CASK: variants seen among roughly 807,000 people sequenced by gnomAD.
CASK encodes the protein peripheral plasma membrane protein CASK.
Under a neutral mutation model 82.9 loss-of-function variants are expected in CASK, and 4 were observed. That is an observed-to-expected ratio of 0.05 (90% confidence interval 0.02 to 0.11). The LOEUF (loss-of-function observed/expected upper bound fraction) is 0.11. CASK is among the 10% of genes least tolerant of loss of function. The probability of loss-of-function intolerance (pLI) is 1.00; values close to 1 mark genes in which losing one functional copy is unlikely to be tolerated. For synonymous variants in CASK, 259 were observed against 253.5 expected (o/e 1.02, Z -0.20); for missense variants, 358 against 720.9 (o/e 0.50, Z 5.76).
At chrX:41,781,683 T>C (rs1042896831) in intron 3 of CASK, among the ~76,000 whole-genome samples, 2 of 111,640 alleles carry the variant, frequency 1.8e-5, no homozygotes, top group African/African-American at 3.3e-5. Flanking sequence ...ATCTCTCACC[T>C]AGCCAGTAGG....
At chrX:41,572,893 T>C (rs2065433353) in intron 15 of CASK, among the ~76,000 whole-genome samples, 2 of 110,697 alleles carry the variant, frequency 1.8e-5, no homozygotes, top group Non-Finnish European at 3.8e-5. Context: ...AGTTTTGGTA[T>C]GTCTGAAGAC....
chrX:41,875,294 C>T (rs1325747002), intron 1 of CASK, among the ~76,000 whole-genome samples: 1 of 112,216 alleles, frequency 8.9e-6, no homozygotes, highest in Non-Finnish European at 1.9e-5. Flanking sequence ...TTCTTTACCA[C>T]TTAACTAAAC....
At chrX:41,744,206 G>A (rs977299912) in intron 4 of CASK, among the ~76,000 whole-genome samples, 4 of 110,828 alleles carry the variant, frequency 3.6e-5, no homozygotes, top group Non-Finnish European at 7.6e-5. Flanking sequence ...GAGGGATGCT[G>A]TATTCCATGT....
intron 2 of CASK, among the ~76,000 whole-genome samples, chrX:41,802,498 T>G (rs1040289044): frequency 8.9e-6 from 1 of 112,100 alleles, no homozygotes; most frequent in African/African-American, 3.2e-5. Context: ...ATCTAAGAAA[T>G]ATTTTAAAGA....
intron 2 of CASK, among the ~76,000 whole-genome samples, chrX:41,810,258 G>A (rs747829787): frequency 3.6e-5 from 4 of 111,509 alleles, no homozygotes; most frequent in East Asian, 5.7e-4. Context: ...GATACTCCTC[G>A]CGAAGAGCAA....
chrX:41,672,313 G>A (rs1569385317), intron 5 of CASK, among the ~76,000 whole-genome samples: 1 of 110,779 alleles, frequency 9.0e-6, no homozygotes, highest in Non-Finnish European at 1.9e-5. Context: ...TTTGTAGGAT[G>A]TTGTCCTCTG....
chrX:41,812,358 C>T (rs1222512423), intron 2 of CASK, among the ~76,000 whole-genome samples: 11 of 111,401 alleles, frequency 9.9e-5, no homozygotes, highest in Non-Finnish European at 1.9e-4. Flanking sequence ...GCTGGCAAAC[C>T]GAATCCAGCA....
intron 6 of CASK, among the ~76,000 whole-genome samples, chrX:41,668,876 T>C (rs2067154856): frequency 9.1e-6 from 1 of 110,183 alleles, no homozygotes; most frequent in African/African-American, 3.3e-5. Context: ...TACAGGCTCT[T>C]GTCACCATGC....
At chrX:41,670,279 T>A (rs1331857092) in intron 6 of CASK, among the ~76,000 whole-genome samples, 2 of 112,311 alleles carry the variant, frequency 1.8e-5, no homozygotes, top group Non-Finnish European at 3.8e-5. Flanking sequence ...AGTCTTCCAA[T>A]CACTAACAGA....
At chrX:41,835,255 T>G (rs1019328992) in intron 2 of CASK, among the ~76,000 whole-genome samples, 1 of 112,140 alleles carries the variant, frequency 8.9e-6, no homozygotes, top group Non-Finnish European at 1.9e-5. Flanking sequence ...GGTTTCACCA[T>G]GTTGGCCAGG....
intron 5 of CASK, among the ~76,000 whole-genome samples, chrX:41,737,936 C>T (rs1347814747): frequency 8.9e-6 from 1 of 112,814 alleles, no homozygotes; most frequent in South Asian, 3.6e-4. Context: ...GACAATTTCC[C>T]GCCTTTTACC....
intron 9 of CASK, among the ~76,000 whole-genome samples, chrX:41,629,666 C>T (rs184484987): frequency 8.6e-4 from 96 of 111,747 alleles, no homozygotes; most frequent in African/African-American, 2.9e-3. Context: ...CTACTCAGTT[C>T]TACCACTGTA....
At chrX:41,562,723 G>C (rs1413266355) in intron 16 of CASK, 2 of 111,126 alleles carry the variant, frequency 1.8e-5, no homozygotes, top group Non-Finnish European at 3.8e-5. Context: ...GATACATTAA[G>C]ACAGTACTTA....
intron 1 of CASK, among the ~76,000 whole-genome samples, chrX:41,853,997 G>A (rs2071314821): frequency 9.0e-6 from 1 of 111,669 alleles, no homozygotes; most frequent in Non-Finnish European, 1.9e-5. Flanking sequence ...GCGTGGTTTG[G>A]TCTCCAACCC....
chrX:41,786,950 T>G (rs964671272), intron 3 of CASK: 16 of 368,502 alleles, frequency 4.3e-5, no homozygotes, highest in Non-Finnish European at 7.2e-5. Flanking sequence ...TTGGAGTCTC[T>G]TCTCTGAAGC....
At chrX:41,572,269 A>ATATAGTACTT (rs1439101970) in intron 15 of CASK, among the ~76,000 whole-genome samples, 3 of 109,043 alleles carry the variant, frequency 2.8e-5, no homozygotes, top group African/African-American at 1.0e-4. Context: ...TTACTTTGAA[A>ATATAGTACTT]CTATTCTTTG....
intron 13 of CASK, chrX:41,588,378 C>A (rs1174719172): frequency 6.3e-5 from 7 of 111,219 alleles, no homozygotes; most frequent in African/African-American, 2.3e-4. Context: ...TTTCACTGTC[C>A]AGTTGAGCCA....
intron 1 of CASK, among the ~76,000 whole-genome samples, chrX:41,910,669 C>T (rs2768603): frequency 0.17 from 18,875 of 111,066 alleles, 1,436 homozygotes; most frequent in Middle Eastern, 0.3. Context: ...AAGTGGGTCA[C>T]AGATTATGGA....
At chrX:41,757,453 T>C (rs1034511874) in intron 3 of CASK, among the ~76,000 whole-genome samples, 1 of 112,134 alleles carries the variant, frequency 8.9e-6, no homozygotes, top group Non-Finnish European at 1.9e-5. Flanking sequence ...AATGAACTTA[T>C]GAGGCCCTAA....
Sources: allele counts gnomAD v4.1 joint callset (sites outside exome capture counted in the v4.1 genomes callset), GRCh38; gene constraint gnomAD v4.1.1; transcripts MANE v1.5; gene names NCBI Gene and HGNC (gene_info 2026-07-23, HGNC 2026-07-21).